CLVS1: variants seen among roughly 807,000 people sequenced by gnomAD.
CLVS1 encodes the protein clavesin 1.
A neutral mutation model predicts 33.1 loss-of-function variants in CLVS1; 10 were observed. The observed-to-expected ratio is 0.30, with a 90% CI of 0.19 to 0.51. The LOEUF (loss-of-function observed/expected upper bound fraction) is 0.51, where lower values mean the gene tolerates loss of function less well. Among genes scored for constraint, CLVS1 ranks in the 20% least tolerant of loss-of-function variants. The pLI, the probability that CLVS1 is intolerant of heterozygous loss-of-function variation, is 0.97. For synonymous variants in CLVS1, 163 were observed against 166.1 expected (o/e 0.98, Z 0.14); for missense variants, 343 against 433.4 (o/e 0.79, Z 1.85).
intron 2 of CLVS1, among the ~76,000 whole-genome samples, chr8:61,140,008 G>A (rs1458927966): frequency 6.6e-6 from 1 of 152,176 alleles, no homozygotes; most frequent in Non-Finnish European, 1.5e-5. Flanking sequence ...AGCTCTTGCA[G>A]GAAGCAGCCG....
At chr8:61,060,563 C>A (rs1804564435) in intron 1 of CLVS1, among the ~76,000 whole-genome samples, 1 of 152,106 alleles carries the variant, frequency 6.6e-6, no homozygotes, top group Admixed American at 6.5e-5. Context: ...CACTTTAACC[C>A]CTCAACCTGT....
chr8:61,445,617 T>C (rs887743130), intron 3 of CLVS1, among the ~76,000 whole-genome samples: 11 of 152,206 alleles, frequency 7.2e-5, no homozygotes, highest in South Asian at 2.1e-4. Context: ...CTTTTTTTTA[T>C]AATTTGTTTG....
chr8:61,152,945 G>A (rs929545728), intron 2 of CLVS1, among the ~76,000 whole-genome samples: 2 of 152,014 alleles, frequency 1.3e-5, no homozygotes, highest in Non-Finnish European at 1.5e-5. Flanking sequence ...GAAGGTGGGC[G>A]GATAACCTGA....
At chr8:61,141,515 C>T (rs555160703) in intron 2 of CLVS1, among the ~76,000 whole-genome samples, 1 of 152,146 alleles carries the variant, frequency 6.6e-6, no homozygotes, top group African/African-American at 2.4e-5. Context: ...GGCCTATAGG[C>T]CAACAATGAA....
In CLVS1 at chr8:61,458,527, C is replaced by G; in HGVS notation, c.962C>G (p.Pro321Arg). The G allele has an allele frequency of 6.2e-7, 1 of 1,607,324 alleles. No homozygotes were observed. Among genetic ancestry groups the G allele is most frequent in the Non-Finnish European group, 8.5e-7 (1 of 1,176,446 alleles). The change falls in exon 5 of 6, where the codon CCC becomes CGC. Residue 321 changes from proline to arginine, a missense_variant. Coordinates refer to ENST00000325897, the MANE Select transcript of CLVS1 (RefSeq NM_173519.3). ...TCGAATCTGGAGAGAGAATGCTCAC[C>G]CAAGCTGATGAAAAGGTAAGGCCTG... ...TSSNLERECS[P>R]KLMKRSQSVV...
At chr8:60,980,234 A>T in the CLVS1 span, among the ~76,000 whole-genome samples, 1 of 152,238 alleles carries the variant, frequency 6.6e-6, no homozygotes, top group Non-Finnish European at 1.5e-5. Flanking sequence ...GGGAAAACTT[A>T]TAAGGCTTTG....
intron 2 of CLVS1, among the ~76,000 whole-genome samples, chr8:61,172,728 A>G (rs1408685840): frequency 6.6e-6 from 1 of 152,168 alleles, no homozygotes; most frequent in Non-Finnish European, 1.5e-5. Flanking sequence ...ACATAAGCAC[A>G]AAAACAGTGT....
At chr8:61,132,126 G>T (rs939760576) in intron 2 of CLVS1, among the ~76,000 whole-genome samples, 3 of 152,362 alleles carry the variant, frequency 2.0e-5, no homozygotes, top group Admixed American at 6.5e-5. Flanking sequence ...AATGCCAATA[G>T]CACCTGCTCA....
intron 2 of CLVS1, among the ~76,000 whole-genome samples, chr8:61,194,686 CACA>C (rs1807565849): frequency 6.6e-6 from 1 of 151,574 alleles, no homozygotes; most frequent in South Asian, 2.1e-4. Context: ...ATTTCAATAA[CACA>C]ACAATATATA....
At chr8:61,176,949 G>C (rs1019902228) in intron 2 of CLVS1, among the ~76,000 whole-genome samples, 1 of 152,192 alleles carries the variant, frequency 6.6e-6, no homozygotes, top group Non-Finnish European at 1.5e-5. Flanking sequence ...AGTTCCCAGG[G>C]GGAGTGGTGG....
chr8:61,355,110 A>C (rs1396051673), intron 2 of CLVS1, among the ~76,000 whole-genome samples: 2 of 152,180 alleles, frequency 1.3e-5, no homozygotes, highest in African/African-American at 4.8e-5. Flanking sequence ...CTTTCTGCTG[A>C]GCTATGATAT....
At chr8:61,490,672 A>AG (rs397725794) in intron 5 of CLVS1, among the ~76,000 whole-genome samples, 2 of 149,276 alleles carry the variant, frequency 1.3e-5, no homozygotes, top group Non-Finnish European at 1.5e-5. Context: ...AAAAAAAAAA[A>AG]GTAGGTAAAT....
upstream of CLVS1, among the ~76,000 whole-genome samples, chr8:61,053,503 A>T (rs895168789): frequency 4.6e-5 from 7 of 152,228 alleles, no homozygotes; most frequent in African/African-American, 1.4e-4. Context: ...GGGCATAGCA[A>T]AGTGGGGGCT....
In CLVS1 at chr8:61,202,617, T is replaced by A. The variant is rs1230528930; in HGVS notation, c.-152+70757T>A. 2.7e-5 allele frequency: 40 copies of A among 1,473,578 alleles called. No homozygotes were observed. The East Asian group carries it at 8.6e-4, about 32-fold the overall frequency. 91.3% of individuals were successfully genotyped at this position (1,473,578 alleles called of 1,614,324 possible). A position where few individuals can be genotyped will look rare whatever the true frequency, so the allele number is the denominator to read the frequency against. On this transcript the variant is annotated intron_variant, in intron 2 of 2. Coordinates refer to the CLVS1 transcript ENST00000522621. The stretch of plus-strand genomic sequence containing the variant: ...TGTCTGTACAGCCAACGGTTTCCCT[T>A]GGGGGCTTTGAAACAACACCACCAG...
intron 3 of CLVS1, among the ~76,000 whole-genome samples, chr8:61,424,207 C>A (rs1815793286): frequency 6.6e-6 from 1 of 152,224 alleles, no homozygotes; most frequent in African/African-American, 2.4e-5. Context: ...TTATTTGCTT[C>A]ATTAGTGCCT....
intron 2 of CLVS1, among the ~76,000 whole-genome samples, chr8:61,301,631 A>G (rs1333392884): frequency 6.6e-6 from 1 of 152,176 alleles, no homozygotes; most frequent in African/African-American, 2.4e-5. Context: ...TATTAGTACT[A>G]TGACCCCTCT....
chr8:61,034,763 A>G, the CLVS1 span, among the ~76,000 whole-genome samples: 1 of 152,212 alleles, frequency 6.6e-6, no homozygotes, highest in Admixed American at 6.5e-5. Flanking sequence ...AATGGTATCC[A>G]GTATTTTCCA....
At chr8:61,022,977 C>G in the CLVS1 span, among the ~76,000 whole-genome samples, 2 of 152,184 alleles carry the variant, frequency 1.3e-5, no homozygotes, top group African/African-American at 4.8e-5. Flanking sequence ...CTTTTTATAG[C>G]TGCTTGCAGA....
Position 61,401,474 on chromosome 8 carries a change from C to T in CLVS1, c.630+24695C>T, listed in dbSNP as rs116285033. Among the ~76,000 whole-genome samples, 1,312 of 152,016 alleles carry T rather than the reference C, an allele frequency of 8.6e-3. 20 individuals carry two copies. The highest frequency in any genetic ancestry group is 0.03 in the African/African-American group (1,226 of 41,486). ...CCCACATTTGTTCAGTTAATCACCA[C>T]CACCTTATTTTAAAATCTTTAAATA... On this transcript the variant is annotated intron_variant, in intron 3 of 5. Transcript: ENST00000325897.
Sources: gnomAD v4.1 joint callset for allele counts (sites outside exome capture counted in the v4.1 genomes callset) on GRCh38, gnomAD v4.1.1 for gene constraint, MANE v1.5 for transcripts, NCBI Gene and HGNC (gene_info 2026-07-23, HGNC 2026-07-21) for gene names.